Variants in VTI1A observed in about 807,000 individuals in gnomAD.
VTI1A encodes the protein vesicle transport through interaction with t-SNAREs homolog 1A.
A neutral mutation model predicts 34.9 loss-of-function variants in VTI1A; 22 were observed. The observed-to-expected ratio is 0.63, with a 90% CI of 0.45 to 0.90. The LOEUF is 0.90. Among genes scored for constraint, VTI1A ranks in the 40% least tolerant of loss-of-function variants. VTI1A has a pLI of 0.00. For missense variants in VTI1A, 268 were observed against 275.6 expected, an observed-to-expected ratio of 0.97 and a Z score of 0.20; for synonymous variants, 87 against 97.3, an observed-to-expected ratio of 0.89 and a Z score of 0.62.
At chr10:112,656,249 T>C (rs1847224127) in intron 5 of VTI1A, among the ~76,000 whole-genome samples, 1 of 152,152 alleles carries the variant, frequency 6.6e-6, no homozygotes, top group South Asian at 2.1e-4. Context: ...GCCAGCTGTT[T>C]GGTGTTTAGG....
At chr10:112,518,550 TC>T (rs1849872332) in intron 3 of VTI1A, among the ~76,000 whole-genome samples, 1 of 10,826 alleles carries the variant, frequency 9.2e-5, no homozygotes, top group Non-Finnish European at 1.4e-4. Context: ...TATCTCTTTC[TC>T]TCTCTCTCTC....
Position 112,527,122 on chromosome 10 carries a change from G to C in VTI1A, c.300G>C (p.Arg100=), listed in dbSNP as rs762461118. The C allele has an allele frequency of 1.2e-6, 2 of 1,613,324 alleles. No homozygotes were observed. Among genetic ancestry groups the C allele is most frequent in the African/African-American group, 2.7e-5 (2 of 74,872 alleles). The change falls in exon 4 of 8, where the codon CGG becomes CGC. Residue 100 remains arginine, a synonymous_variant. Transcript: ENST00000393077. Reference sequence around the variant, plus strand: ...GGATCGCCTACAGTGACGAAGTACGGAATGAGCTCCTGGGGGATGATGGGA... The same window carrying C: ...GGATCGCCTACAGTGACGAAGTACGCAATGAGCTCCTGGGGGATGATGGGA... ...RSRIAYSDEV[R]NELLGDDGNS...
intron 2 of VTI1A, among the ~76,000 whole-genome samples, chr10:112,463,114 G>A (rs923089189): frequency 6.6e-6 from 1 of 151,994 alleles, no homozygotes; most frequent in Non-Finnish European, 1.5e-5. Flanking sequence ...TAGTAGAGAC[G>A]GGATTTCACC....
intron 4 of VTI1A, among the ~76,000 whole-genome samples, chr10:112,536,140 A>G (rs1850606500): frequency 6.6e-6 from 1 of 152,232 alleles, no homozygotes; most frequent in South Asian, 2.1e-4. Flanking sequence ...GTCCATTTCC[A>G]GTATTGATCT....
At chr10:112,453,682 T>A (rs972394739) in intron 1 of VTI1A, among the ~76,000 whole-genome samples, 10 of 152,170 alleles carry the variant, frequency 6.6e-5, no homozygotes, top group South Asian at 2.1e-4. Context: ...TTCTTTTTTT[T>A]AAGGACTATA....
intron 3 of VTI1A, among the ~76,000 whole-genome samples, chr10:112,492,131 A>T (rs919089124): frequency 2.0e-5 from 3 of 152,126 alleles, no homozygotes; most frequent in African/African-American, 7.2e-5. Context: ...TATTCCACAG[A>T]CTTCCCATTG....
chr10:112,631,848 T>C (rs1312796006), intron 5 of VTI1A, among the ~76,000 whole-genome samples: 1 of 152,206 alleles, frequency 6.6e-6, no homozygotes, highest in Non-Finnish European at 1.5e-5. Context: ...ACTAAAGATT[T>C]GCACTCTTTA....
At chr10:112,630,022 A>C (rs1846070427) in intron 5 of VTI1A, among the ~76,000 whole-genome samples, 1 of 152,186 alleles carries the variant, frequency 6.6e-6, no homozygotes, top group Non-Finnish European at 1.5e-5. Context: ...TAGTATGTTA[A>C]AGAAACACAT....
Position 112,787,667 on chromosome 10 carries a change from C to G in VTI1A, c.561-27623C>G, listed in dbSNP as rs889847106. Among the ~76,000 whole-genome samples, 3 of 150,100 alleles carry G rather than the reference C, an allele frequency of 2.0e-5. No individual in the cohort carries two copies. The South Asian group carries it at 6.3e-4, about 32-fold the overall frequency. On this transcript the variant is annotated intron_variant, in intron 7 of 7. Transcript: ENST00000393077. Reference sequence around the variant, plus strand: ...TCAATTATCTAATACTTAGGACTTACCAAATTAGTTTCTTTTTTCTTTTTT... The same window carrying G: ...TCAATTATCTAATACTTAGGACTTAGCAAATTAGTTTCTTTTTTCTTTTTT...
the VTI1A span, among the ~76,000 whole-genome samples, chr10:112,829,148 A>T: frequency 6.6e-6 from 1 of 152,132 alleles, no homozygotes; most frequent in Non-Finnish European, 1.5e-5. Context: ...TTGATTTTTA[A>T]AAATCTATTG....
chr10:112,550,994 A>C (rs779613189), intron 5 of VTI1A, among the ~76,000 whole-genome samples: 6 of 152,186 alleles, frequency 3.9e-5, no homozygotes, highest in Non-Finnish European at 7.3e-5. Context: ...CTGTAATCCC[A>C]GCACTTTGGG....
intron 5 of VTI1A, among the ~76,000 whole-genome samples, chr10:112,624,444 A>C (rs1039594813): frequency 6.6e-5 from 10 of 151,984 alleles, no homozygotes; most frequent in African/African-American, 2.4e-4. Flanking sequence ...ATACATTTTC[A>C]TTTTTTATGT....
chr10:112,667,085 A>C (rs1054983477), intron 5 of VTI1A, among the ~76,000 whole-genome samples: 45 of 152,120 alleles, frequency 3.0e-4, no homozygotes, highest in Non-Finnish European at 4.4e-4. Context: ...TTTAAAAAAA[A>C]AAGTCTAGCA....
chr10:112,715,842 A>G (rs967028678), intron 7 of VTI1A, among the ~76,000 whole-genome samples: 3 of 152,186 alleles, frequency 2.0e-5, no homozygotes, highest in African/African-American at 7.2e-5. Context: ...TGTTGAACAT[A>G]TCTAAGACTG....
chr10:112,706,853 C>T (rs1233382822), intron 7 of VTI1A, among the ~76,000 whole-genome samples: 2 of 152,196 alleles, frequency 1.3e-5, no homozygotes, highest in African/African-American at 4.8e-5. Context: ...AACAGACCAG[C>T]AGCCCAACAG....
intron 5 of VTI1A, among the ~76,000 whole-genome samples, chr10:112,596,047 T>C (rs1174977110): frequency 6.6e-6 from 1 of 151,414 alleles, no homozygotes; most frequent in East Asian, 1.9e-4. Context: ...TCATTCTCAG[T>C]AAACTATCGC....
At chr10:112,491,371 T>C (rs7096739) in intron 3 of VTI1A, among the ~76,000 whole-genome samples, 18,569 of 152,236 alleles carry the variant, frequency 0.12, 1,743 homozygotes, top group African/African-American at 0.25. Context: ...TAAGGCCAGT[T>C]ACTTTCTCTC....
At chr10:112,608,567 A>G (rs2134503313) in intron 5 of VTI1A, among the ~76,000 whole-genome samples, 1 of 152,282 alleles carries the variant, frequency 6.6e-6, no homozygotes, top group East Asian at 1.9e-4. Context: ...ATAATTATTT[A>G]TTTCATGAAG....
At position 112,709,752 on chromosome 10, in the gene VTI1A, G is replaced by T. The variant is rs1259110066; in HGVS notation, c.560+40754G>T. The stretch of plus-strand genomic sequence containing the variant: ...GTTGCCCAGGCTGGAATGCAGTGGC[G>T]CAGTCTTGGCTCACTGCGACCTCTG... On this transcript the variant is annotated intron_variant, in intron 7 of 7. Transcript: ENST00000393077. Among the ~76,000 whole-genome samples, 3 of 135,956 alleles carry T rather than the reference G, an allele frequency of 2.2e-5. No homozygotes were observed. The Admixed American group carries it at 2.4e-4, about 11-fold the overall frequency. The allele number at this position is 135,956 out of a possible 152,430, so 89.2% of individuals were successfully genotyped here. A position where few individuals can be genotyped will look rare whatever the true frequency, so the allele number is the denominator to read the frequency against.
Sources: gnomAD v4.1 joint callset for allele counts (sites outside exome capture counted in the v4.1 genomes callset) on GRCh38, gnomAD v4.1.1 for gene constraint, MANE v1.5 for transcripts, NCBI Gene and HGNC (gene_info 2026-07-23, HGNC 2026-07-21) for gene names.